Variants in PDS5B observed in about 807,000 individuals in gnomAD.
The protein encoded by PDS5B is sister chromatid cohesion protein PDS5 homolog B.
Under a neutral mutation model 184.1 loss-of-function variants are expected in PDS5B, and 51 were observed. The observed-to-expected ratio is 0.28, with a 90% CI of 0.22 to 0.35. The LOEUF is 0.35. Among genes scored for constraint, PDS5B ranks in the 10% least tolerant of loss-of-function variants. The pLI, the probability that PDS5B is intolerant of heterozygous loss-of-function variation, is 1.00. For missense variants in PDS5B, 1,180 were observed against 1,723.3 expected, an observed-to-expected ratio of 0.68 and a Z score of 5.58; for synonymous variants, 566 against 569.2, an observed-to-expected ratio of 0.99 and a Z score of 0.08.
chr13:32,761,421 G>C (rs1015328), intron 30 of PDS5B, among the ~76,000 whole-genome samples: 34,719 of 151,970 alleles, frequency 0.23, 4,262 homozygotes, highest in South Asian at 0.37. Context: ...ATTGCATCCA[G>C]ATAGTGAGTA....
rs769725109 is a variant in PDS5B, at chr13:32,741,060, T to C, written c.2407-20T>C. 1.5e-6 allele frequency: 2 copies of C among 1,351,466 alleles called. No individual in the cohort carries two copies. Among genetic ancestry groups the C allele is most frequent in the Non-Finnish European group, 2.1e-6 (2 of 961,562 alleles). 83.7% of individuals were successfully genotyped at this position (1,351,466 alleles called of 1,614,324 possible). ...CATTTTAAAGTCCCTGGTTTTTTTT[T>C]TTTTCTCGTTTATTTTTAGCTTCCA... On this transcript the variant is annotated intron_variant, in intron 21 of 34. Coordinates refer to ENST00000315596, the MANE Select transcript of PDS5B (RefSeq NM_015032.4).
chr13:32,760,302 A>G (rs1037242201), intron 29 of PDS5B, among the ~76,000 whole-genome samples: 2 of 152,024 alleles, frequency 1.3e-5, no homozygotes, highest in African/African-American at 2.4e-5. Flanking sequence ...CTAATTATCT[A>G]TTTTCATTGT....
intron 10 of PDS5B, among the ~76,000 whole-genome samples, chr13:32,679,909 G>GTGTGTGTGTGTGTC (rs148914027): frequency 1.1e-3 from 157 of 149,504 alleles, no homozygotes; most frequent in Non-Finnish European, 9.7e-4. Context: ...GTGTGTGTGT[G>GTGTGTGTGTGTGTC]TGTGTGTCTG....
intron 8 of PDS5B, 72 bp from the exon 9 acceptor site, chr13:32,675,770 ATG>A: frequency 1.3e-6 from 1 of 777,058 alleles, no homozygotes; most frequent in Non-Finnish European, 2.1e-6. Context: ...CAGGGAAATT[ATG>A]GCAAAGAATG....
intron 1 of PDS5B, among the ~76,000 whole-genome samples, chr13:32,622,571 C>G (rs2058316849): frequency 6.6e-6 from 1 of 152,106 alleles, no homozygotes; most frequent in Non-Finnish European, 1.5e-5. Context: ...TTTAAGTCTT[C>G]TTATGTCTTT....
intron 29 of PDS5B, 21 bp from the exon 30 acceptor site, chr13:32,760,554 G>A (rs948971294): frequency 6.2e-7 from 1 of 1,610,030 alleles, no homozygotes; most frequent in Non-Finnish European, 8.5e-7. Flanking sequence ...AATAAAAAGA[G>A]ATGTGCATTT....
intron 1 of PDS5B, among the ~76,000 whole-genome samples, chr13:32,645,818 G>A (rs1351454786): frequency 1.3e-5 from 2 of 152,178 alleles, no homozygotes; most frequent in Non-Finnish European, 2.9e-5. Flanking sequence ...TAGCATCTTA[G>A]AAGTATCTTT....
chr13:32,609,166 A>G lies in PDS5B; in HGVS notation c.-20+22573A>G, dbSNP rs537886616. Among the ~76,000 whole-genome samples, 15 of 152,350 alleles carry G rather than the reference A, an allele frequency of 9.8e-5. No homozygotes were observed. The South Asian group carries it at 2.5e-3, about 25-fold the overall frequency. On this transcript the variant is annotated intron_variant, in intron 1 of 34. Transcript: ENST00000315596. The stretch of plus-strand genomic sequence containing the variant: ...GCATAATGCAACTATCCTTAGTTCA[A>G]ATAACACATAAATCCTCTCCTTAAG...
intron 1 of PDS5B, among the ~76,000 whole-genome samples, chr13:32,647,377 T>A (rs1253640139): frequency 1.3e-5 from 2 of 152,132 alleles, no homozygotes; most frequent in African/African-American, 4.8e-5. Flanking sequence ...TTCAAGCAGC[T>A]CCCCTACTGC....
intron 31 of PDS5B, among the ~76,000 whole-genome samples, chr13:32,766,949 G>A (rs1954605211): frequency 6.6e-6 from 1 of 152,054 alleles, no homozygotes; most frequent in Admixed American, 6.5e-5. Flanking sequence ...TTTAAATTTA[G>A]TTCTAATTTA....
chr13:32,612,122 A>G (rs1209071801), intron 1 of PDS5B, among the ~76,000 whole-genome samples: 1 of 151,478 alleles, frequency 6.6e-6, no homozygotes, highest in Non-Finnish European at 1.5e-5. Flanking sequence ...AACTGGTGTA[A>G]TTTCTCAGGG....
intron 19 of PDS5B, among the ~76,000 whole-genome samples, chr13:32,711,449 C>T (rs1485920374): frequency 6.6e-6 from 1 of 152,028 alleles, no homozygotes; most frequent in East Asian, 1.9e-4. Flanking sequence ...CTTCTGCCTC[C>T]CAGGTTCAAG....
chr13:32,710,163 G>T, intron 19 of PDS5B, 57 bp downstream of exon 19: 1 of 1,171,766 alleles, frequency 8.5e-7, no homozygotes, highest in Non-Finnish European at 1.1e-6. Context: ...ATTATTTCTT[G>T]ATTTATGCAA....
Position 32,625,771 on chromosome 13 carries a change from TA to T in PDS5B, c.-19-22971del, listed in dbSNP as rs1229962393. On this transcript the variant is annotated intron_variant, in intron 1 of 34. Coordinates refer to ENST00000315596, the MANE Select transcript of PDS5B (RefSeq NM_015032.4). ...ATTTATATACTGGGTTGTGTTGCAA[TA>T]AAAAAAAAAAAGTTTGAAATGCATT... Among the ~76,000 whole-genome samples the T allele has an allele frequency of 1.9e-3, 257 of 135,176 alleles. 1 individual carries two copies. Among genetic ancestry groups the T allele is most frequent in the East Asian group, 5.3e-3 (25 of 4,706 alleles). The allele number at this position is 135,176 out of a possible 152,430, so 88.7% of individuals were successfully genotyped here.
Position 32,764,464 on chromosome 13 carries a change from C to A in PDS5B, c.3519-25C>A, listed in dbSNP as rs192981920. 88 of 1,315,738 alleles carry A rather than the reference C, an allele frequency of 6.7e-5. No homozygotes were observed. In the African/African-American group the frequency reaches 1.2e-3, roughly 18 times the overall value. The allele number at this position is 1,315,738 out of a possible 1,614,324, so 81.5% of individuals were successfully genotyped here. ...TTGTAAGGTTATTTGATTGTAATAA[C>A]AATTACAAATGTCTGTATTAAAAGG... On this transcript the variant is annotated intron_variant, in intron 30 of 34. Coordinates refer to ENST00000315596, the MANE Select transcript of PDS5B (RefSeq NM_015032.4).
intron 1 of PDS5B, among the ~76,000 whole-genome samples, chr13:32,589,950 C>T (rs1449646238): frequency 2.6e-5 from 4 of 152,054 alleles, no homozygotes; most frequent in African/African-American, 9.7e-5. Context: ...TTAATTAGTT[C>T]AGAATTAAGA....
At chr13:32,609,334 A>G (rs914885685) in intron 1 of PDS5B, among the ~76,000 whole-genome samples, 1 of 152,174 alleles carries the variant, frequency 6.6e-6, no homozygotes, top group Non-Finnish European at 1.5e-5. Context: ...TAAATTGGTT[A>G]ATTATATACA....
At chr13:32,609,638 A>T (rs1053014363) in intron 1 of PDS5B, among the ~76,000 whole-genome samples, 12 of 152,222 alleles carry the variant, frequency 7.9e-5, no homozygotes, top group African/African-American at 2.9e-4. Context: ...GGTGTCCCAG[A>T]GGAACTCCTA....
chr13:32,750,688 C>T (rs542904890), intron 24 of PDS5B, among the ~76,000 whole-genome samples: 17 of 152,120 alleles, frequency 1.1e-4, no homozygotes, highest in African/African-American at 3.6e-4. Context: ...ATTACAGGTG[C>T]CTGCCACCAC....
Sources: allele counts gnomAD v4.1 joint callset (sites outside exome capture counted in the v4.1 genomes callset), GRCh38; gene constraint gnomAD v4.1.1; transcripts MANE v1.5; gene names NCBI Gene and HGNC (gene_info 2026-07-23, HGNC 2026-07-21).